UNC13C: variants seen among roughly 807,000 people sequenced by gnomAD.
UNC13C encodes protein unc-13 homolog C.
A neutral mutation model predicts 245.4 loss-of-function variants in UNC13C; 174 were observed. The observed-to-expected ratio is 0.71, with a 90% CI of 0.63 to 0.80. The LOEUF is 0.80. UNC13C is among the 30% of genes least tolerant of loss of function. The probability of loss-of-function intolerance (pLI) is 0.00; values close to 1 mark genes in which losing one functional copy is unlikely to be tolerated. For synonymous variants in UNC13C, 992 were observed against 895.1 expected, an observed-to-expected ratio of 1.11 and a Z score of -1.93; for missense variants, 2,829 against 2,602.9, an observed-to-expected ratio of 1.09 and a Z score of -1.89.
At chr15:54,444,848 G>C (rs1890719109) in intron 19 of UNC13C, among the ~76,000 whole-genome samples, 1 of 151,456 alleles carries the variant, frequency 6.6e-6, no homozygotes, top group Non-Finnish European at 1.5e-5. Flanking sequence ...TAAGTTCTAG[G>C]GTACATATGT....
intron 1 of UNC13C, among the ~76,000 whole-genome samples, chr15:54,011,591 C>G (rs1895383569): frequency 6.6e-6 from 1 of 152,164 alleles, no homozygotes; most frequent in African/African-American, 2.4e-5. Context: ...AAGTAAATTT[C>G]TTGACATTTT....
chr15:54,460,315 C>G (rs887296094), intron 19 of UNC13C, among the ~76,000 whole-genome samples: 1 of 152,212 alleles, frequency 6.6e-6, no homozygotes. Context: ...TAAGTGGACT[C>G]TGTGGGAGTC....
chr15:54,622,961 C>A (rs1158343985), intron 31 of UNC13C, among the ~76,000 whole-genome samples: 2 of 151,860 alleles, frequency 1.3e-5, no homozygotes, highest in Admixed American at 6.6e-5. Flanking sequence ...TAGGGCTGCC[C>A]AATATATTTC....
intron 13 of UNC13C, among the ~76,000 whole-genome samples, chr15:54,304,670 A>AAT (rs1555446935): frequency 6.6e-6 from 1 of 151,538 alleles, no homozygotes; most frequent in Non-Finnish European, 1.5e-5. Context: ...AAAAAAAAAA[A>AAT]AACCCTTACC....
intron 1 of UNC13C, among the ~76,000 whole-genome samples, chr15:53,999,779 G>A (rs1894800884): frequency 6.6e-6 from 1 of 151,782 alleles, no homozygotes; most frequent in Non-Finnish European, 1.5e-5. Context: ...AGTTTTGGGG[G>A]GTTTTGACCC....
chr15:53,888,513 G>A, the UNC13C span, among the ~76,000 whole-genome samples: 1 of 152,124 alleles, frequency 6.6e-6, no homozygotes, highest in South Asian at 2.1e-4. Flanking sequence ...TGATCACTCT[G>A]ATGATAGTTT....
chr15:53,849,622 C>T, the UNC13C span, among the ~76,000 whole-genome samples: 1 of 151,930 alleles, frequency 6.6e-6, no homozygotes, highest in Non-Finnish European at 1.5e-5. Flanking sequence ...CATTTTCAGA[C>T]CAAAAATATT....
At position 54,183,636 on chromosome 15, in the gene UNC13C, A is replaced by C. The variant is rs181589034; in HGVS notation, c.3071+39952A>C. Among the ~76,000 whole-genome samples the C allele has an allele frequency of 5.3e-4, 81 of 152,118 alleles. 1 individual carries two copies. Among genetic ancestry groups the C allele is most frequent in the South Asian group, 1.0e-3 (5 of 4,826 alleles). On this transcript the variant is annotated intron_variant, in intron 4 of 32. Coordinates refer to ENST00000260323, the MANE Select transcript of UNC13C (RefSeq NM_001080534.3). Reference sequence around the variant, plus strand: ...AGGGCATTTATAGAACTGAAGGACCATGGATTATCGAAACGATTTTGGAGA... The same window carrying C: ...AGGGCATTTATAGAACTGAAGGACCCTGGATTATCGAAACGATTTTGGAGA...
chr15:54,011,138 G>A (rs868627684), intron 1 of UNC13C, among the ~76,000 whole-genome samples: 1 of 152,124 alleles, frequency 6.6e-6, no homozygotes, highest in Admixed American at 6.6e-5. Context: ...GCATGAAAGA[G>A]TGTGGAGCCC....
At chr15:54,555,357 A>T (rs1897043319) in intron 28 of UNC13C, 75 bp from the exon 29 acceptor site, 1 of 1,212,746 alleles carries the variant, frequency 8.2e-7, no homozygotes, top group South Asian at 1.3e-5. Flanking sequence ...TGGGGATAAT[A>T]CAGATTATGT....
intron 17 of UNC13C, among the ~76,000 whole-genome samples, chr15:54,364,889 G>C (rs975302938): frequency 2.0e-5 from 3 of 152,178 alleles, no homozygotes; most frequent in African/African-American, 7.2e-5. Flanking sequence ...ACTGCTAGAT[G>C]TACATAAAAA....
At chr15:54,163,251 C>T (rs943065169) in intron 4 of UNC13C, among the ~76,000 whole-genome samples, 6 of 152,088 alleles carry the variant, frequency 3.9e-5, no homozygotes, top group African/African-American at 7.2e-5. Flanking sequence ...TGGAGTGATA[C>T]ACAAAGGGGC....
chr15:54,302,304 A>T (rs757195894), intron 13 of UNC13C, among the ~76,000 whole-genome samples: 2 of 151,896 alleles, frequency 1.3e-5, no homozygotes, highest in Non-Finnish European at 2.9e-5. Flanking sequence ...ATTAGATCCC[A>T]TTTGTCAATT....
chr15:53,928,159 G>T, the UNC13C span, among the ~76,000 whole-genome samples: 2 of 152,054 alleles, frequency 1.3e-5, no homozygotes, highest in African/African-American at 2.4e-5. Context: ...GAAATCAGGG[G>T]TCTCACAGCC....
intron 19 of UNC13C, among the ~76,000 whole-genome samples, chr15:54,456,590 T>TTTTATTTA (rs71105811): frequency 0.011 from 1,618 of 142,778 alleles, 15 homozygotes; most frequent in Middle Eastern, 0.015. Context: ...CTCCTATGTA[T>TTTTATTTA]TTTATTTATT....
chr15:54,542,841 G>A (rs1302140139), intron 26 of UNC13C, among the ~76,000 whole-genome samples: 1 of 151,730 alleles, frequency 6.6e-6, no homozygotes, highest in Non-Finnish European at 1.5e-5. Context: ...TTTTGCTTTT[G>A]ATGTGCTTGG....
At chr15:54,617,200 A>G (rs190969885) in intron 30 of UNC13C, among the ~76,000 whole-genome samples, 4 of 152,248 alleles carry the variant, frequency 2.6e-5, no homozygotes, top group African/African-American at 7.2e-5. Flanking sequence ...TGCAAAATAA[A>G]TGTCAGAAAA....
chr15:53,987,163 C>T (rs558710468), intron 1 of UNC13C, among the ~76,000 whole-genome samples: 2 of 152,068 alleles, frequency 1.3e-5, no homozygotes, highest in South Asian at 4.1e-4. Flanking sequence ...CATTTCACTT[C>T]CTAATTATTT....
chr15:54,506,418 G>A (rs1431018721), intron 22 of UNC13C, among the ~76,000 whole-genome samples: 2 of 152,028 alleles, frequency 1.3e-5, no homozygotes, highest in Non-Finnish European at 2.9e-5. Context: ...AGTCTGATCA[G>A]TCATCTGTTT....
Sources: allele counts gnomAD v4.1 joint callset (sites outside exome capture counted in the v4.1 genomes callset), GRCh38; gene constraint gnomAD v4.1.1; transcripts MANE v1.5; gene names NCBI Gene and HGNC (gene_info 2026-07-23, HGNC 2026-07-21).